ERICH6: variants seen among roughly 807,000 people sequenced by gnomAD.
ERICH6 encodes the protein glutamate-rich protein 6.
ERICH6 carries 71 observed loss-of-function variants against 71.0 expected under a neutral mutation model. The ratio of observed to expected loss-of-function variants is 1.00; its 90% CI spans 0.83 to 1.22. The LOEUF (loss-of-function observed/expected upper bound fraction) is 1.22. ERICH6 is among the 50% of genes most tolerant of loss of function. ERICH6 has a pLI of 0.00. For synonymous variants in ERICH6, 262 were observed against 278.4 expected, an observed-to-expected ratio of 0.94 and a Z score of 0.59; for missense variants, 808 against 797.2, an observed-to-expected ratio of 1.01 and a Z score of -0.16.
intron 12 of ERICH6, 21 bp from the exon 13 acceptor site, chr3:150,667,036 A>C: frequency 6.3e-7 from 1 of 1,596,502 alleles, no homozygotes. Flanking sequence ...AGGAAATGTA[A>C]ATATCATAAA....
chr3:150,703,803 TTCCTCCTCC>T lies in ERICH6; in HGVS notation c.87_95del (p.Glu31_Glu33del), dbSNP rs758984579. The T allele has an allele frequency of 6.3e-6, 10 of 1,594,434 alleles. No individual in the cohort carries two copies. The highest frequency in any genetic ancestry group is 1.7e-4 in the Middle Eastern group (1 of 5,892). On this transcript the variant is annotated inframe_deletion, in exon 1 of 14. Coordinates refer to ENST00000295910, the MANE Select transcript of ERICH6 (RefSeq NM_152394.5). Reference sequence around the variant, plus strand: ...CCTCTTCCTCCTCCTCCTCCACCTCTTCCTCCTCCTCCTCCTCCTCTAACTCCTCCTCTG... The same window carrying T: ...CCTCTTCCTCCTCCTCCTCCACCTCTTCCTCCTCCTCTAACTCCTCCTCTG...
chr3:150,680,685 T>A, intron 8 of ERICH6, 88 bp downstream of exon 8: 1 of 1,554,386 alleles, frequency 6.4e-7, no homozygotes, highest in Non-Finnish European at 8.7e-7. Context: ...TTCAAAGTTA[T>A]ATATCTTGAA....
At chr3:150,661,387 A>G (rs1226348288) in intron 13 of ERICH6, among the ~76,000 whole-genome samples, 1 of 152,204 alleles carries the variant, frequency 6.6e-6, no homozygotes, top group Admixed American at 6.5e-5. Context: ...TCTACCCCTT[A>G]GCATCTGAAG....
intron 1 of ERICH6, among the ~76,000 whole-genome samples, chr3:150,702,429 G>A (rs192719317): frequency 0.011 from 1,642 of 152,032 alleles, 18 homozygotes; most frequent in Middle Eastern, 0.027. Context: ...GGCGCACGCC[G>A]CCACGCCCGG....
At chr3:150,664,017 G>T (rs1312298279) in intron 13 of ERICH6, among the ~76,000 whole-genome samples, 3 of 152,048 alleles carry the variant, frequency 2.0e-5, no homozygotes. Flanking sequence ...CCAAGGACAA[G>T]CTCTGGGTTC....
chr3:150,703,628 AGTC>A lies in ERICH6; in HGVS notation c.268_270del (p.Asp90del). 2 of 1,613,960 alleles carry A rather than the reference AGTC, an allele frequency of 1.2e-6. No individual in the cohort carries two copies. Among genetic ancestry groups the A allele is most frequent in the Non-Finnish European group, 1.7e-6 (2 of 1,179,980 alleles). Reference sequence around the variant, plus strand: ...GCTAAGCGGGGGCGCACGTCTGGGAAGTCGTCGTCGTAGTCACCGATGTCCGTG... The same window carrying A: ...GCTAAGCGGGGGCGCACGTCTGGGAAGTCGTCGTAGTCACCGATGTCCGTG... On this transcript the variant is annotated inframe_deletion, in exon 1 of 14. Transcript: ENST00000295910.
chr3:150,668,103 C>T (rs1475324426), intron 12 of ERICH6, among the ~76,000 whole-genome samples: 1 of 152,106 alleles, frequency 6.6e-6, no homozygotes, highest in Non-Finnish European at 1.5e-5. Flanking sequence ...CTGATTGTGT[C>T]TAGGAAGGGA....
At chr3:150,681,487 G>A (rs914247185) in intron 7 of ERICH6, among the ~76,000 whole-genome samples, 6 of 152,122 alleles carry the variant, frequency 3.9e-5, no homozygotes, top group African/African-American at 9.7e-5. Flanking sequence ...TGGCTATTAC[G>A]AATCATGCTG....
chr3:150,663,973 A>T (rs1487143611), intron 13 of ERICH6, among the ~76,000 whole-genome samples: 1 of 152,158 alleles, frequency 6.6e-6, no homozygotes, highest in African/African-American at 2.4e-5. Flanking sequence ...ATTATCTGAG[A>T]TAATCTGAGG....
rs775304965 is a variant in ERICH6, at chr3:150,660,174, G to A, written c.1729-19C>T. 2.7e-5 allele frequency: 44 copies of A among 1,605,928 alleles called. No homozygotes were observed. In the Admixed American group the frequency reaches 7.3e-4, roughly 27 times the overall value. The stretch of plus-strand genomic sequence containing the variant: ...TTGGTAGCTTTTCAGCAAAGAGAAA[G>A]AGAAGGAAACTCAGAGTCCAGAAGT... On this transcript the variant is annotated intron_variant, in intron 13 of 13. Coordinates refer to ENST00000295910, the MANE Select transcript of ERICH6 (RefSeq NM_152394.5).
intron 3 of ERICH6, among the ~76,000 whole-genome samples, chr3:150,689,152 T>G (rs1172367648): frequency 6.6e-6 from 1 of 152,220 alleles, no homozygotes; most frequent in Non-Finnish European, 1.5e-5. Context: ...CCTGATCTCC[T>G]CAAATTTGGT....
intron 13 of ERICH6, among the ~76,000 whole-genome samples, chr3:150,663,489 C>A (rs72616692): frequency 1.3e-5 from 2 of 151,930 alleles, no homozygotes; most frequent in African/African-American, 4.8e-5. Context: ...GGGTCTTGCT[C>A]TGTTGCCCAG....
chr3:150,684,760 A>C (rs1712109210), intron 6 of ERICH6, among the ~76,000 whole-genome samples: 1 of 151,738 alleles, frequency 6.6e-6, no homozygotes, highest in Non-Finnish European at 1.5e-5. Context: ...ATATTCACCC[A>C]TGTTTCCAGG....
Position 150,680,550 on chromosome 3 carries a change from G to A in ERICH6, c.1041-12C>T. 2 of 1,614,000 alleles carry A rather than the reference G, an allele frequency of 1.2e-6. No individual in the cohort carries two copies. Among genetic ancestry groups the A allele is most frequent in the Non-Finnish European group, 1.7e-6 (2 of 1,179,924 alleles). On this transcript the variant is annotated splice_polypyrimidine_tract_variant and intron_variant, in intron 8 of 13. Transcript: ENST00000295910. ...GTTGCTCCTGTTTCCTACAAAATCAGAAAACATCAGGCATAAATCTGAAAT... is the reference window on the plus strand; with the variant it reads ...GTTGCTCCTGTTTCCTACAAAATCAAAAAACATCAGGCATAAATCTGAAAT...
chr3:150,691,451 A>C (rs890587377), intron 3 of ERICH6, among the ~76,000 whole-genome samples: 15 of 152,204 alleles, frequency 9.9e-5, no homozygotes, highest in African/African-American at 3.6e-4. Flanking sequence ...AGTTACAAAA[A>C]TAAAGAGGTT....
intron 11 of ERICH6, among the ~76,000 whole-genome samples, chr3:150,671,523 A>G (rs1248127913): frequency 1.3e-5 from 2 of 152,238 alleles, no homozygotes; most frequent in Non-Finnish European, 2.9e-5. Context: ...GTAAACTGGT[A>G]TATATTTTCT....
At chr3:150,682,339 T>C in intron 6 of ERICH6, 23 bp from the exon 7 acceptor site, 1 of 1,579,596 alleles carries the variant, frequency 6.3e-7, no homozygotes, top group Non-Finnish European at 8.6e-7. Context: ...AGGAAAAAAA[T>C]TAAAGAAGTC....
At chr3:150,679,211 CTTTTA>C (rs1711797786) in intron 9 of ERICH6, among the ~76,000 whole-genome samples, 1 of 151,218 alleles carries the variant, frequency 6.6e-6, no homozygotes, top group African/African-American at 2.4e-5. Flanking sequence ...GGCAGTTCAA[CTTTTA>C]TTTTTATTTA....
intron 1 of ERICH6, 32 bp downstream of exon 1, chr3:150,703,464 C>A: frequency 1.3e-6 from 2 of 1,532,690 alleles, no homozygotes; most frequent in Non-Finnish European, 1.7e-6. Flanking sequence ...AGACGAGAAA[C>A]CCTCGAGGAA....
Sources: allele counts gnomAD v4.1 joint callset (sites outside exome capture counted in the v4.1 genomes callset), GRCh38; gene constraint gnomAD v4.1.1; transcripts MANE v1.5; gene names NCBI Gene and HGNC (gene_info 2026-07-23, HGNC 2026-07-21).